CFAP43: variants seen among roughly 807,000 people sequenced by gnomAD.
The protein encoded by CFAP43 is cilia- and flagella-associated protein 43.
CFAP43 carries 155 observed loss-of-function variants against 218.9 expected under a neutral mutation model. The ratio of observed to expected loss-of-function variants is 0.71; its 90% confidence interval spans 0.62 to 0.81. The LOEUF (loss-of-function observed/expected upper bound fraction) is 0.81, where lower values mean the gene tolerates loss of function less well. CFAP43 is among the 30% of genes least tolerant of loss of function. CFAP43 has a pLI of 0.00. For missense variants in CFAP43, 1,778 were observed against 1,954.3 expected (o/e 0.91, Z 1.70); for synonymous variants, 645 against 681.3 (o/e 0.95, Z 0.83).
At chr10:104,142,435 T>A (rs1391154966) in intron 32 of CFAP43, 42 bp from the exon 33 acceptor site, 13 of 1,506,222 alleles carry the variant, frequency 8.6e-6, no homozygotes, top group African/African-American at 1.4e-5. Context: ...CATATGGAGC[T>A]TCAATTTTAG....
chr10:104,151,817 T>C (rs1420840739), intron 28 of CFAP43, among the ~76,000 whole-genome samples: 1 of 152,226 alleles, frequency 6.6e-6, no homozygotes, highest in African/African-American at 2.4e-5. Context: ...CCAGTTCCTA[T>C]GTCCAGAATG....
intron 16 of CFAP43, 133 bp downstream of exon 16, chr10:104,184,883 G>T: frequency 7.2e-7 from 1 of 1,383,580 alleles, no homozygotes; most frequent in Non-Finnish European, 9.6e-7. Context: ...CTTGGGATCT[G>T]TGAGTATAAC....
intron 30 of CFAP43, 94 bp downstream of exon 30, chr10:104,146,169 T>C (rs2087957293): frequency 1.0e-6 from 1 of 982,616 alleles, no homozygotes; most frequent in African/African-American, 1.6e-5. Context: ...GAAAAATCTG[T>C]GAGAAAATTA....
chr10:104,131,468 A>G lies in CFAP43; in HGVS notation c.4694T>C (p.Val1565Ala), dbSNP rs1319109309. ...AVLDKMHKKN[V>A]ENCKKLLKKL... ...TTTGAGTAGTTTCTTGCAGTTTTCC[A>G]CATTCTTTTTGTGCATCTGAAATTT... The change falls in exon 37 of 38, where the codon GTG (valine) becomes GCG (alanine). Residue 1565 changes from valine to alanine, a missense_variant. Transcript: ENST00000357060. 6.2e-7 allele frequency: 1 copy of G among 1,609,798 alleles called. No individual in the cohort carries two copies. The highest frequency in any genetic ancestry group is 1.1e-5 in the South Asian group (1 of 89,614).
At chr10:104,180,397 A>G (rs149297847) in intron 17 of CFAP43, among the ~76,000 whole-genome samples, 34 of 151,612 alleles carry the variant, frequency 2.2e-4, no homozygotes, top group African/African-American at 8.2e-4. Context: ...TCTTAGGAAA[A>G]CTACTCTCAC....
chr10:104,136,110 C>T (rs964229907), intron 34 of CFAP43, among the ~76,000 whole-genome samples: 1 of 151,308 alleles, frequency 6.6e-6, no homozygotes, highest in African/African-American at 2.4e-5. Context: ...ATTAGCTGGG[C>T]ATGGTGGTGG....
chr10:104,202,831 T>TA (rs372323241), intron 8 of CFAP43, among the ~76,000 whole-genome samples: 45 of 150,334 alleles, frequency 3.0e-4, no homozygotes, highest in African/African-American at 4.9e-4. Flanking sequence ...TTTTTTTTTT[T>TA]AAAAAAAACT....
At position 104,142,312 on chromosome 10, in the gene CFAP43, C is replaced by G. The variant is rs1423670813; in HGVS notation, c.4240G>C (p.Glu1414Gln). The change falls in exon 33 of 38, where the codon GAG (glutamate) becomes CAG (glutamine). Residue 1414 changes from glutamate to glutamine, a missense_variant. Physicochemically the swap from Glu to Gln is conservative, Grantham distance 29. This residue lies in a region of CFAP43 where 1,553 missense variants were observed against 1,685.2 expected (regional missense o/e 0.92). Transcript: ENST00000357060. ...RVEEEEKVQQEIERVFHELIL... is the reference protein window; with the variant it reads ...RVEEEEKVQQQIERVFHELIL... ...AGTTCATGGAACACTCTCTCAATCTCCTGTTGCACCTTCTCTTCCTCCTCA... is the reference window on the plus strand; with the variant it reads ...AGTTCATGGAACACTCTCTCAATCTGCTGTTGCACCTTCTCTTCCTCCTCA... The G allele has an allele frequency of 1.2e-6, 2 of 1,613,648 alleles. No homozygotes were observed. The highest frequency in any genetic ancestry group is 4.5e-5 in the East Asian group (2 of 44,816).
Position 104,206,038 on chromosome 10 carries a change from A to C in CFAP43, c.896-8T>G. On this transcript the variant is annotated splice_region_variant and splice_polypyrimidine_tract_variant and intron_variant, in intron 6 of 37. Coordinates refer to ENST00000357060, the MANE Select transcript of CFAP43 (RefSeq NM_025145.7). Reference sequence around the variant, plus strand: ...TGATAAAATTTCTTCTGTCTTCTGGAAAAGAAAAACAAGGTAAAGCAGGTG... The same window carrying C: ...TGATAAAATTTCTTCTGTCTTCTGGCAAAGAAAAACAAGGTAAAGCAGGTG... 1 of 1,600,562 alleles carries C rather than the reference A, an allele frequency of 6.2e-7. No homozygotes were observed. Among genetic ancestry groups the C allele is most frequent in the Non-Finnish European group, 8.5e-7 (1 of 1,176,112 alleles).
intron 5 of CFAP43, among the ~76,000 whole-genome samples, chr10:104,208,429 G>A (rs2090759546): frequency 6.6e-6 from 1 of 152,116 alleles, no homozygotes; most frequent in Admixed American, 6.5e-5. Context: ...AACTAGTATT[G>A]TATGTGGCTT....
chr10:104,187,388 G>T lies in CFAP43; in HGVS notation c.1792C>A (p.Gln598Lys). 4 of 1,612,346 alleles carry T rather than the reference G, an allele frequency of 2.5e-6. No homozygotes were observed. The highest frequency in any genetic ancestry group is 3.4e-6 in the Non-Finnish European group (4 of 1,179,466). Residue 598 changes from glutamine to lysine, a missense_variant, in exon 14 of 38, where the codon CAA becomes AAA. By Grantham distance (53) the Gln-to-Lys change is moderately conservative. Around this residue, in one of 3 missense-constraint regions of CFAP43, gnomAD observed 1,553 missense variants for 1,685.2 expected, o/e 0.92. Transcript: ENST00000357060. ...CAGAAGCCATATATTTGGTTACTTT[G>T]AAAGCCCAAGACTGCAGAGGACAGA... The part of the protein sequence containing the change: ...HALSSAVLGF[Q>K]SNQIYGFCSQ...
intron 3 of CFAP43, 31 bp from the exon 4 acceptor site, chr10:104,214,457 A>C: frequency 6.6e-7 from 1 of 1,518,058 alleles, no homozygotes; most frequent in Non-Finnish European, 8.9e-7. Flanking sequence ...GATGAAAAAA[A>C]GTTCATTTGA....
intron 14 of CFAP43, 137 bp downstream of exon 14, chr10:104,187,183 G>T: frequency 1.6e-6 from 1 of 614,396 alleles, no homozygotes; most frequent in Non-Finnish European, 2.4e-6. Flanking sequence ...TAGCTCAAGG[G>T]AATTATATTA....
intron 12 of CFAP43, among the ~76,000 whole-genome samples, chr10:104,189,409 C>T (rs1003406557): frequency 6.6e-6 from 1 of 152,198 alleles, no homozygotes; most frequent in Admixed American, 6.5e-5. Flanking sequence ...CCTCTATTCC[C>T]TCCCTAACCT....
chr10:104,223,854 G>T, intron 3 of CFAP43, among the ~76,000 whole-genome samples: 1 of 152,238 alleles, frequency 6.6e-6, no homozygotes, highest in East Asian at 1.9e-4. Context: ...ACACATACAT[G>T]CAGCAACATA....
In CFAP43 at chr10:104,193,876, G is replaced by T. The variant is rs138312878; in HGVS notation, c.1432C>A (p.Gln478Lys). ...GCAGAAAGGACTTACACGACGTGCT[G>T]CACGGACGATTCCGAGAGAAAGGCC... ...HKAFLSESSV[Q>K]HVVYDQQGIF... Residue 478 changes from glutamine (Q) to lysine (K), a missense_variant, in exon 11 of 38, where the codon CAG becomes AAG. Physicochemically the swap from Gln to Lys is moderately conservative, Grantham distance 53. Transcript: ENST00000357060. 6.2e-7 allele frequency: 1 copy of T among 1,614,064 alleles called. No individual in the cohort carries two copies. The highest frequency in any genetic ancestry group is 1.1e-5 in the South Asian group (1 of 91,068).
chr10:104,180,112 T>C (rs1201799085), intron 17 of CFAP43, among the ~76,000 whole-genome samples, 180 bp from the exon 18 acceptor site: 1 of 152,224 alleles, frequency 6.6e-6, no homozygotes, highest in East Asian at 1.9e-4. Context: ...GTCCCACCAG[T>C]CTGCCCTTAT....
intron 3 of CFAP43, among the ~76,000 whole-genome samples, chr10:104,225,073 TAAC>T (rs1472408605): frequency 1.3e-5 from 2 of 152,168 alleles, no homozygotes; most frequent in Non-Finnish European, 2.9e-5. Context: ...CTAATGTCTC[TAAC>T]AACAATTACT....
intron 21 of CFAP43, 100 bp from the exon 22 acceptor site, chr10:104,167,837 A>C: frequency 1.3e-6 from 1 of 766,058 alleles, no homozygotes; most frequent in South Asian, 2.1e-5. Flanking sequence ...AAATTAACCC[A>C]TAGGTTATCA....
Sources: gnomAD v4.1 joint callset for allele counts (sites outside exome capture counted in the v4.1 genomes callset) on GRCh38, gnomAD v4.1.1 for gene constraint, gnomAD v4.1.1 regional missense constraint, MANE v1.5 for transcripts, NCBI Gene and HGNC (gene_info 2026-07-23, HGNC 2026-07-21) for gene names.